The following APTX variants were observed in gnomAD, a reference collection of about 807,000 sequenced individuals.
The protein encoded by APTX is forkhead-associated domain histidine triad-like protein.
A neutral mutation model predicts 42.3 loss-of-function variants in APTX; 33 were observed. That is an observed-to-expected ratio of 0.78 (90% CI 0.59 to 1.04). The LOEUF is 1.04. Among genes scored for constraint, APTX ranks in the 50% least tolerant of loss-of-function variants. The probability of loss-of-function intolerance (pLI) is 0.00; values close to 1 mark genes in which losing one functional copy is unlikely to be tolerated. For synonymous variants in APTX, 130 were observed against 146.7 expected (o/e 0.89, Z 0.82); for missense variants, 421 against 415.1 (o/e 1.01, Z -0.12).
chr9:32,989,991 G>A, intron 1 of APTX, 96 bp from the exon 2 acceptor site: 1 of 1,489,414 alleles, frequency 6.7e-7, no homozygotes, highest in Non-Finnish European at 9.1e-7. Context: ...TGATCTACCA[G>A]CTGTTCATCT....
chr9:32,972,803 A>C lies in APTX; in HGVS notation c.*695T>G. ...TTATTTTCAGACAACAGGTCCAAGA[A>C]GACTTCACAGCTCAATCATGACGAA... On this transcript the variant is annotated 3_prime_UTR_variant, in exon 8 of 8. Coordinates refer to ENST00000379817, the MANE Select transcript of APTX (RefSeq NM_001195248.2). The C allele has an allele frequency of 2.2e-6, 1 of 454,154 alleles. No homozygotes were observed. The allele number at this position is 454,154 out of a possible 1,614,324, so 28.1% of individuals were successfully genotyped here. A position where few individuals can be genotyped will look rare whatever the true frequency, so the allele number is the denominator to read the frequency against.
At chr9:32,986,069 AACAAGCAATGT>A in intron 4 of APTX, 39 bp from the exon 5 acceptor site, 3 of 1,496,430 alleles carry the variant, frequency 2.0e-6, no homozygotes, top group Admixed American at 1.8e-5. Flanking sequence ...AAAAAAAAAA[AACAAGCAATGT>A]AAATTACAAA....
At chr9:32,977,376 C>A (rs781483367) in intron 6 of APTX, among the ~76,000 whole-genome samples, 1 of 151,994 alleles carries the variant, frequency 6.6e-6, no homozygotes, top group Admixed American at 6.6e-5. Flanking sequence ...CCCAGCTACT[C>A]GGGAGGCTGA....
intron 1 of APTX, among the ~76,000 whole-genome samples, chr9:33,022,070 G>C (rs1377313261): frequency 6.6e-6 from 1 of 151,420 alleles, no homozygotes; most frequent in East Asian, 1.9e-4. Flanking sequence ...AAGGTGGAGA[G>C]AAGAAAAAGG....
intron 1 of APTX, chr9:33,020,028 G>A (rs913877115): frequency 3.3e-5 from 13 of 399,120 alleles, no homozygotes; most frequent in Admixed American, 1.8e-4. Context: ...GGGGAGCTCC[G>A]CTGGCCGGAG....
At chr9:32,991,225 C>T (rs368251042) in intron 1 of APTX, among the ~76,000 whole-genome samples, 2 of 152,144 alleles carry the variant, frequency 1.3e-5, no homozygotes, top group African/African-American at 4.8e-5. Flanking sequence ...CGTGCCCGGC[C>T]GCAAACCTAC....
intron 1 of APTX, among the ~76,000 whole-genome samples, chr9:33,010,786 A>C (rs1837486808): frequency 6.6e-6 from 1 of 152,188 alleles, no homozygotes; most frequent in African/African-American, 2.4e-5. Flanking sequence ...GATCATAAGA[A>C]AAGAAAGATA....
chr9:32,989,667 A>AT (rs1833082664), intron 2 of APTX, 92 bp downstream of exon 2: 1 of 1,596,636 alleles, frequency 6.3e-7, no homozygotes, highest in Non-Finnish European at 8.6e-7. Context: ...CAGACAATAG[A>AT]TTTTCCATCA....
intron 1 of APTX, among the ~76,000 whole-genome samples, chr9:32,993,569 T>C (rs920809355): frequency 6.6e-6 from 1 of 152,162 alleles, no homozygotes; most frequent in Non-Finnish European, 1.5e-5. Context: ...ATGAGAGTAA[T>C]AATTATCCCA....
At chr9:33,015,930 T>C (rs895401108) in intron 1 of APTX, 2 of 152,184 alleles carry the variant, frequency 1.3e-5, no homozygotes, top group Non-Finnish European at 2.9e-5. Flanking sequence ...GGGAAGGAAA[T>C]TCAGATGAAA....
At chr9:32,986,221 CTTTT>C in intron 4 of APTX, 191 bp from the exon 5 acceptor site, 1 of 707,388 alleles carries the variant, frequency 1.4e-6, no homozygotes, top group South Asian at 1.5e-5. Context: ...CCTATATTCT[CTTTT>C]TTTTTGAGAC....
chr9:33,001,330 T>A, intron 1 of APTX: 1 of 1,523,306 alleles, frequency 6.6e-7, no homozygotes, highest in Non-Finnish European at 8.8e-7. Context: ...CCAAGGTACA[T>A]ACAGGTGTCG....
Position 32,973,207 on chromosome 9 carries a change from ACATGG to A in APTX, c.*286_*290del, listed in dbSNP as rs1587327831. On this transcript the variant is annotated 3_prime_UTR_variant, in exon 8 of 8. Transcript: ENST00000379817. ...CATACTCTGCATTAGGTCAGTGTGA[ACATGG>A]CTTTGCTCCCAATGGTCAGACCTGA... 1 of 533,986 alleles carries A rather than the reference ACATGG, an allele frequency of 1.9e-6. No homozygotes were observed. Among genetic ancestry groups the A allele is most frequent in the Non-Finnish European group, 3.6e-6 (1 of 279,308 alleles). 33.1% of individuals were successfully genotyped at this position (533,986 alleles called of 1,614,324 possible).
intron 1 of APTX, among the ~76,000 whole-genome samples, chr9:32,993,180 C>T (rs1834040421): frequency 6.6e-6 from 1 of 152,188 alleles, no homozygotes; most frequent in Non-Finnish European, 1.5e-5. Context: ...CCTTTCTGCC[C>T]TCCATCAATA....
At chr9:33,021,308 G>A (rs1479551912) in intron 1 of APTX, among the ~76,000 whole-genome samples, 1 of 152,054 alleles carries the variant, frequency 6.6e-6, no homozygotes, top group Admixed American at 6.6e-5. Context: ...TCATGAGTAG[G>A]AAGATTCGAC....
chr9:32,977,564 C>T (rs1449294649), intron 6 of APTX, among the ~76,000 whole-genome samples: 1 of 151,830 alleles, frequency 6.6e-6, no homozygotes, highest in Non-Finnish European at 1.5e-5. Flanking sequence ...GGTGCAGTGG[C>T]TCACACCTGT....
chr9:32,973,588 C>G lies in APTX; in HGVS notation c.939G>C (p.Leu313Phe). 1 of 1,613,682 alleles carries G rather than the reference C, an allele frequency of 6.2e-7. No individual in the cohort carries two copies. The highest frequency in any genetic ancestry group is 8.5e-7 in the Non-Finnish European group (1 of 1,179,938). The change falls in exon 8 of 8, where the codon TTG becomes TTC. Residue 313 changes from leucine (L) to phenylalanine (F), a missense_variant. Transcript: ENST00000379817. ...VTVRDGMPEL[L>F]KLPLRCHECQ... is the part of the protein sequence containing the mutation. ...ACTCATGACAACGAAGGGGCAGCTTCAAGAGCTCAGGCATCCCATCTCGGA... is the reference window on the plus strand; with the variant it reads ...ACTCATGACAACGAAGGGGCAGCTTGAAGAGCTCAGGCATCCCATCTCGGA...
rs1563972025 is a variant in APTX at position 32,989,740 on chromosome 9, C to CA, written c.133+18dup. The CA allele has an allele frequency of 5.0e-6, 8 of 1,614,082 alleles. No individual in the cohort carries two copies. The highest frequency in any genetic ancestry group is 5.1e-6 in the Non-Finnish European group (6 of 1,180,018). On this transcript the variant is annotated intron_variant, in intron 2 of 7. Transcript: ENST00000379817. Reference sequence around the variant, plus strand: ...TCCCACATAACCATAGTAATCTCCACATTTCTATGACCAGTTACCTTGCTG... The same window carrying CA: ...TCCCACATAACCATAGTAATCTCCACAATTTCTATGACCAGTTACCTTGCTG...
In APTX at chr9:33,001,584, G is replaced by C; in HGVS notation, c.-22C>G. The C allele has an allele frequency of 1.9e-6, 3 of 1,613,934 alleles. No homozygotes were observed. The highest frequency in any genetic ancestry group is 2.5e-6 in the Non-Finnish European group (3 of 1,180,022). Reference sequence around the variant, plus strand: ...CGCCTTACCTCCAGAAGTCGGAGACGGACAAATTCACGTTACTCATCTGTG... The same window carrying C: ...CGCCTTACCTCCAGAAGTCGGAGACCGACAAATTCACGTTACTCATCTGTG... On this transcript the variant is annotated 5_prime_UTR_variant, in exon 1 of 8. Coordinates refer to ENST00000379817, the MANE Select transcript of APTX (RefSeq NM_001195248.2).
Sources: allele counts gnomAD v4.1 joint callset (sites outside exome capture counted in the v4.1 genomes callset), GRCh38; gene constraint gnomAD v4.1.1; transcripts MANE v1.5; gene names NCBI Gene and HGNC (gene_info 2026-07-23, HGNC 2026-07-21).